PDPR: variants seen among roughly 807,000 people sequenced by gnomAD.
The protein encoded by PDPR is pyruvate dehydrogenase phosphatase regulatory subunit, mitochondrial.
A neutral mutation model predicts 102.2 loss-of-function variants in PDPR; 50 were observed. The observed-to-expected ratio is 0.49, with a 90% CI of 0.39 to 0.62. The LOEUF is 0.62. Among genes scored for constraint, PDPR ranks in the 20% least tolerant of loss-of-function variants. The probability of loss-of-function intolerance (pLI) is 0.00; values close to 1 mark genes in which losing one functional copy is unlikely to be tolerated. For synonymous variants in PDPR, 259 were observed against 406.0 expected, an observed-to-expected ratio of 0.64 and a Z score of 4.35; for missense variants, 625 against 1,098.2, an observed-to-expected ratio of 0.57 and a Z score of 6.09.
intron 15 of PDPR, among the ~76,000 whole-genome samples, chr16:70,145,464 C>T (rs1393740527): frequency 6.6e-6 from 1 of 152,252 alleles, no homozygotes; most frequent in South Asian, 2.1e-4. Context: ...TTAAGGATGA[C>T]TTGGTTCCCT....
intron 2 of PDPR, among the ~76,000 whole-genome samples, chr16:70,115,312 CG>C (rs1962527566): frequency 6.6e-6 from 1 of 151,968 alleles, no homozygotes; most frequent in East Asian, 1.9e-4. Context: ...TTAGTAGAGA[CG>C]GGGTTTCACT....
chr16:70,128,240 T>C (rs1277718382), intron 4 of PDPR, among the ~76,000 whole-genome samples: 2 of 152,240 alleles, frequency 1.3e-5, no homozygotes, highest in African/African-American at 4.8e-5. Context: ...TTTTTTCTTT[T>C]TTTTAAAGAC....
At chr16:70,127,717 A>T (rs553137858) in intron 4 of PDPR, among the ~76,000 whole-genome samples, 1 of 152,408 alleles carries the variant, frequency 6.6e-6, no homozygotes, top group African/African-American at 2.4e-5. Flanking sequence ...ATAAGAATTA[A>T]GAGTCATTGC....
At chr16:70,155,643 GC>G (rs1967074488) in intron 18 of PDPR, among the ~76,000 whole-genome samples, 1 of 152,250 alleles carries the variant, frequency 6.6e-6, no homozygotes, top group Non-Finnish European at 1.5e-5. Flanking sequence ...CCCCGCCTTA[GC>G]CTCCCAAAGT....
At chr16:70,122,577 GCA>G (rs1197900610) in intron 3 of PDPR, among the ~76,000 whole-genome samples, 69 of 152,266 alleles carry the variant, frequency 4.5e-4, no homozygotes, top group Non-Finnish European at 1.6e-4. Context: ...AGCATCTCTA[GCA>G]CAGAGACCCT....
rs950498062 is a variant in PDPR at position 70,153,660 on chromosome 16, G to A, written c.2235+87G>A. 1.9e-3 allele frequency: 2,627 copies of A among 1,347,988 alleles called. 1 individual carries two copies. The highest frequency in any genetic ancestry group is 2.3e-3 in the Non-Finnish European group (2,280 of 1,002,780). 83.5% of individuals were successfully genotyped at this position (1,347,988 alleles called of 1,614,324 possible). ...CTAGGAAGAAGAACTGATGTGACAGGAAAAGGGGGAAAAGATTGAGGCCTT... is the reference window on the plus strand; with the variant it reads ...CTAGGAAGAAGAACTGATGTGACAGAAAAAGGGGGAAAAGATTGAGGCCTT... On this transcript the variant is annotated intron_variant, in intron 18 of 18. Coordinates refer to ENST00000288050, the MANE Select transcript of PDPR (RefSeq NM_017990.5).
intron 17 of PDPR, among the ~76,000 whole-genome samples, chr16:70,152,811 A>C (rs1966838470): frequency 6.6e-6 from 1 of 152,292 alleles, no homozygotes; most frequent in African/African-American, 2.4e-5. Context: ...GATAACGTAC[A>C]TGTTTCTGAA....
chr16:70,161,902 G>C lies in PDPR; in HGVS notation c.*5023G>C, dbSNP rs1324948373. The C allele has an allele frequency of 6.6e-6, 1 of 152,480 alleles. No individual in the cohort carries two copies. Among genetic ancestry groups the C allele is most frequent in the Non-Finnish European group, 1.5e-5 (1 of 68,076 alleles). The allele number at this position is 152,480 out of a possible 1,614,324, so 9.4% of individuals were successfully genotyped here. On this transcript the variant is annotated 3_prime_UTR_variant, in exon 19 of 19. Transcript: ENST00000288050. Reference sequence around the variant, plus strand: ...CCTTCTTATTTTCCTGTCTGTCAAAGACAGAAATTACAGGAGATAGGGAGG... The same window carrying C: ...CCTTCTTATTTTCCTGTCTGTCAAACACAGAAATTACAGGAGATAGGGAGG...
intron 17 of PDPR, among the ~76,000 whole-genome samples, chr16:70,150,614 C>A (rs1412957792): frequency 6.7e-6 from 1 of 149,340 alleles, no homozygotes; most frequent in African/African-American, 2.5e-5. Context: ...CTGAAGTGAT[C>A]CCCCTGCCTC....
intron 17 of PDPR, among the ~76,000 whole-genome samples, chr16:70,149,215 G>T (rs1966500294): frequency 6.6e-6 from 1 of 151,628 alleles, no homozygotes; most frequent in Non-Finnish European, 1.5e-5. Flanking sequence ...TTTAAAAACA[G>T]AAATGGAAGC....
intron 15 of PDPR, among the ~76,000 whole-genome samples, chr16:70,144,935 G>A (rs7201195): frequency 0.14 from 20,128 of 141,698 alleles, 1 homozygote; most frequent in African/African-American, 0.16. Flanking sequence ...CAGCCTAGGC[G>A]AGTGAGACTC....
downstream of PDPR, among the ~76,000 whole-genome samples, chr16:70,162,709 G>A (rs572389894): frequency 3.3e-5 from 5 of 152,362 alleles, no homozygotes; most frequent in East Asian, 5.8e-4. Flanking sequence ...TCCCTGCAGC[G>A]CTGGAGTGGC....
chr16:70,117,637 G>C (rs1167021096), intron 2 of PDPR, among the ~76,000 whole-genome samples: 1 of 152,204 alleles, frequency 6.6e-6, no homozygotes, highest in African/African-American at 2.4e-5. Flanking sequence ...GAGCCGAATA[G>C]AACACTCACG....
intron 15 of PDPR, among the ~76,000 whole-genome samples, chr16:70,144,884 G>A (rs1295723762): frequency 6.6e-6 from 1 of 152,164 alleles, no homozygotes; most frequent in Non-Finnish European, 1.5e-5. Context: ...GAACCCAGGA[G>A]GCAGAGGTTG....
chr16:70,150,738 C>T (rs892318403), intron 17 of PDPR, among the ~76,000 whole-genome samples: 16 of 152,240 alleles, frequency 1.1e-4, no homozygotes, highest in Non-Finnish European at 1.6e-4. Flanking sequence ...TCTCAGACTC[C>T]TGGACTCTAG....
Position 70,157,016 on chromosome 16 carries a change from G to GAACTTGACCTACTTTA in PDPR, c.*143_*158dup. 7.6e-7 allele frequency: 1 copy of GAACTTGACCTACTTTA among 1,320,754 alleles called. No homozygotes were observed. The highest frequency in any genetic ancestry group is 1.1e-6 in the Non-Finnish European group (1 of 945,482). The allele number at this position is 1,320,754 out of a possible 1,614,324, so 81.8% of individuals were successfully genotyped here. A position where few individuals can be genotyped will look rare whatever the true frequency, so the allele number is the denominator to read the frequency against. On this transcript the variant is annotated 3_prime_UTR_variant, in exon 19 of 19. Coordinates refer to ENST00000288050, the MANE Select transcript of PDPR (RefSeq NM_017990.5). ...TCTCTTATCTCCTTGATATAATTTT[G>GAACTTGACCTACTTTA]AACTTGACCTACTTTAAACTTTTTT...
At chr16:70,131,177 T>G (rs1964501169) in intron 7 of PDPR, 125 bp from the exon 8 acceptor site, 1 of 683,666 alleles carries the variant, frequency 1.5e-6, no homozygotes, top group Non-Finnish European at 2.7e-6. Context: ...GCAGGCTGAC[T>G]TCCCACACCT....
Position 70,157,395 on chromosome 16 carries a change from G to T in PDPR, c.*516G>T, listed in dbSNP as rs933928576. The T allele has an allele frequency of 5.5e-6, 2 of 361,276 alleles. No homozygotes were observed. Among genetic ancestry groups the T allele is most frequent in the Non-Finnish European group, 1.1e-5 (2 of 184,390 alleles). 22.4% of individuals were successfully genotyped at this position (361,276 alleles called of 1,614,324 possible). Reference sequence around the variant, plus strand: ...TCGTTCTCCTGTTCTGCTGTGCTGTGGGCTGGCACTCGATACCTCTGGCAA... The same window carrying T: ...TCGTTCTCCTGTTCTGCTGTGCTGTTGGCTGGCACTCGATACCTCTGGCAA... On this transcript the variant is annotated 3_prime_UTR_variant, in exon 19 of 19. Coordinates refer to ENST00000288050, the MANE Select transcript of PDPR (RefSeq NM_017990.5).
Position 70,120,528 on chromosome 16 carries a change from A to C in PDPR, c.36A>C (p.Arg12Ser). 1 of 1,614,038 alleles carries C rather than the reference A, an allele frequency of 6.2e-7. No individual in the cohort carries two copies. The change falls in exon 3 of 19, where the codon AGA becomes AGC. Residue 12 changes from arginine to serine, a missense_variant. Arg to Ser is a moderately radical substitution (Grantham distance 110). Transcript: ENST00000288050. ...ACCGGTTGCTGTCGATTGTTGGAAG[A>C]CAAAGAGCCAGCCCAGGATGGCAGA... is the stretch of plus-strand genomic sequence containing the variant. ...MFYRLLSIVG[R>S]QRASPGWQNW...
Sources: allele counts gnomAD v4.1 joint callset (sites outside exome capture counted in the v4.1 genomes callset), GRCh38; gene constraint gnomAD v4.1.1; transcripts MANE v1.5; gene names NCBI Gene and HGNC (gene_info 2026-07-23, HGNC 2026-07-21).